TMEM9: variants seen among roughly 807,000 people sequenced by gnomAD.
TMEM9 encodes the protein proton-transporting V-type ATPase complex assembly regulator TMEM9.
A neutral mutation model predicts 22.8 loss-of-function variants in TMEM9; 13 were observed. The ratio of observed to expected loss-of-function variants is 0.57; its 90% CI spans 0.37 to 0.91. The LOEUF is 0.91. Among genes scored for constraint, TMEM9 ranks in the 40% least tolerant of loss-of-function variants. The pLI, the probability that TMEM9 is intolerant of heterozygous loss-of-function variation, is 0.01. For synonymous variants in TMEM9, 88 were observed against 93.0 expected (o/e 0.95, Z 0.31); for missense variants, 182 against 238.1 (o/e 0.76, Z 1.55).
Position 201,146,723 on chromosome 1 carries a change from T to C in TMEM9, c.267+17A>G. 1 of 1,613,060 alleles carries C rather than the reference T, an allele frequency of 6.2e-7. No homozygotes were observed. Among genetic ancestry groups the C allele is most frequent in the South Asian group, 1.1e-5 (1 of 91,056 alleles). On this transcript the variant is annotated intron_variant, in intron 3 of 4. Coordinates refer to ENST00000367330, the MANE Select transcript of TMEM9 (RefSeq NM_001288565.2). ...GCGTGTGGGAATCCCACTGGCTTCC[T>C]GAGACCCTGGCGTTACCTTGATGGT...
chr1:201,142,257 G>A (rs767342200), intron 4 of TMEM9, among the ~76,000 whole-genome samples: 2 of 152,204 alleles, frequency 1.3e-5, no homozygotes, highest in Non-Finnish European at 2.9e-5. Context: ...CACAGCCCTC[G>A]AGAGCAGCCA....
chr1:201,140,122 C>T (rs531311247), intron 4 of TMEM9, among the ~76,000 whole-genome samples: 6 of 152,322 alleles, frequency 3.9e-5, no homozygotes, highest in Admixed American at 2.0e-4. Flanking sequence ...GTCTTCTCCC[C>T]GGTGCCTGCA....
intron 1 of TMEM9, among the ~76,000 whole-genome samples, chr1:201,169,696 A>ATT (rs113856764): frequency 6.7e-6 from 1 of 150,084 alleles, no homozygotes; most frequent in South Asian, 2.1e-4. Context: ...GTGTTCACAC[A>ATT]TTTTTTTTTT....
At chr1:201,164,470 A>T (rs1290709662) in intron 1 of TMEM9, among the ~76,000 whole-genome samples, 1 of 152,230 alleles carries the variant, frequency 6.6e-6, no homozygotes, top group Non-Finnish European at 1.5e-5. Flanking sequence ...CTTGCAATCT[A>T]ACTCAATTTT....
At chr1:201,141,994 C>A (rs1469979867) in intron 4 of TMEM9, among the ~76,000 whole-genome samples, 1 of 152,210 alleles carries the variant, frequency 6.6e-6, no homozygotes, top group Non-Finnish European at 1.5e-5. Context: ...CCACATTACC[C>A]CTAATCGCTG....
chr1:201,144,249 T>C (rs1198909563), intron 3 of TMEM9: 1 of 294,238 alleles, frequency 3.4e-6, no homozygotes, highest in Non-Finnish European at 6.5e-6. Flanking sequence ...GCTCCCGGGG[T>C]AGAGATGGGA....
At chr1:201,152,597 A>G (rs753137202) in intron 1 of TMEM9, among the ~76,000 whole-genome samples, 17 of 152,218 alleles carry the variant, frequency 1.1e-4, no homozygotes, top group Non-Finnish European at 2.4e-4. Context: ...TGGAAACTTC[A>G]AACTGTATAG....
At chr1:201,135,958 C>T (rs1663951802) in intron 4 of TMEM9, 143 bp from the exon 5 acceptor site, 1 of 807,458 alleles carries the variant, frequency 1.2e-6, no homozygotes. Context: ...GTGCTGCAGG[C>T]TGAGGACCTT....
chr1:201,139,452 C>T (rs1304015225), intron 4 of TMEM9, among the ~76,000 whole-genome samples: 2 of 152,204 alleles, frequency 1.3e-5, no homozygotes, highest in African/African-American at 2.4e-5. Flanking sequence ...GCGGCTAGGG[C>T]CACCTTCCTA....
At chr1:201,168,375 TAA>T (rs750983104) in intron 1 of TMEM9, among the ~76,000 whole-genome samples, 1 of 152,144 alleles carries the variant, frequency 6.6e-6, no homozygotes, top group Non-Finnish European at 1.5e-5. Context: ...GGGAGGGAAA[TAA>T]AGATGATCTT....
intron 4 of TMEM9, among the ~76,000 whole-genome samples, chr1:201,139,943 T>C (rs956256738): frequency 2.6e-5 from 4 of 152,252 alleles, no homozygotes; most frequent in Non-Finnish European, 5.9e-5. Flanking sequence ...GAAGCGTCTG[T>C]TGAACCGCAC....
At chr1:201,143,700 G>C (rs970397024) in intron 4 of TMEM9, 120 bp downstream of exon 4, 8 of 996,372 alleles carry the variant, frequency 8.0e-6, no homozygotes, top group African/African-American at 3.2e-5. Flanking sequence ...ACACTGACCA[G>C]AAGAGCAACT....
chr1:201,148,713 G>C (rs981457085), intron 2 of TMEM9, among the ~76,000 whole-genome samples: 3 of 152,198 alleles, frequency 2.0e-5, no homozygotes, highest in African/African-American at 7.2e-5. Context: ...ATTAAGAATG[G>C]GATGTGCTCT....
intron 3 of TMEM9, among the ~76,000 whole-genome samples, chr1:201,146,229 G>A (rs3752976): frequency 0.94 from 143,348 of 152,074 alleles, 67,606 homozygotes; most frequent in South Asian, 0.96. Context: ...CAATGAGAAG[G>A]TGGTTCAGGA....
At chr1:201,149,483 C>T (rs1390452232) in intron 2 of TMEM9, among the ~76,000 whole-genome samples, 1 of 152,206 alleles carries the variant, frequency 6.6e-6, no homozygotes, top group Non-Finnish European at 1.5e-5. Flanking sequence ...TGCTTTCCTG[C>T]TCTGGGAGTG....
At chr1:201,159,575 C>A (rs1181783161) in intron 1 of TMEM9, among the ~76,000 whole-genome samples, 1 of 133,716 alleles carries the variant, frequency 7.5e-6, no homozygotes, top group African/African-American at 2.8e-5. Context: ...GCAATTAAAC[C>A]TTTTTTTTTT....
intron 1 of TMEM9, among the ~76,000 whole-genome samples, chr1:201,153,232 T>A (rs186081120): frequency 2.4e-4 from 37 of 152,344 alleles, no homozygotes; most frequent in African/African-American, 8.2e-4. Context: ...AACTTATGTG[T>A]AACGTAAGAA....
At chr1:201,159,954 T>C (rs1665901791) in intron 1 of TMEM9, among the ~76,000 whole-genome samples, 1 of 149,698 alleles carries the variant, frequency 6.7e-6, no homozygotes, top group Non-Finnish European at 1.5e-5. Context: ...GCTCCCTCTG[T>C]TGTATTTTTC....
chr1:201,139,574 C>T (rs1026900737), intron 4 of TMEM9, among the ~76,000 whole-genome samples: 3 of 149,252 alleles, frequency 2.0e-5, no homozygotes, highest in Admixed American at 1.3e-4. Flanking sequence ...AGCCTCACCT[C>T]CCCCCTTACC....
Sources: allele counts gnomAD v4.1 joint callset (sites outside exome capture counted in the v4.1 genomes callset), GRCh38; gene constraint gnomAD v4.1.1; transcripts MANE v1.5; gene names NCBI Gene and HGNC (gene_info 2026-07-23, HGNC 2026-07-21).